CSMD1: variants seen among roughly 807,000 people sequenced by gnomAD.
The protein encoded by CSMD1 is CUB and Sushi multiple domains 1, also known as CUB and sushi domain-containing protein 1.
Under a neutral mutation model 417.5 loss-of-function variants are expected in CSMD1, and 213 were observed. The ratio of observed to expected loss-of-function variants is 0.51; its 90% confidence interval spans 0.46 to 0.57. The LOEUF (loss-of-function observed/expected upper bound fraction) is 0.57. Among genes scored for constraint, CSMD1 ranks in the 20% least tolerant of loss-of-function variants. CSMD1 has a pLI of 0.00. For missense variants in CSMD1, 6,923 were observed against 4,529.7 expected, an observed-to-expected ratio of 1.53 and a Z score of -15.17; for synonymous variants, 2,862 against 1,736.8, an observed-to-expected ratio of 1.65 and a Z score of -16.11.
intron 3 of CSMD1, among the ~76,000 whole-genome samples, chr8:4,181,794 CTAAT>C (rs1292132986): frequency 1.1e-4 from 17 of 152,256 alleles, no homozygotes; most frequent in African/African-American, 3.1e-4. Flanking sequence ...ATTTAGGTGA[CTAAT>C]TGACTATGCA....
intron 1 of CSMD1, among the ~76,000 whole-genome samples, chr8:4,917,154 A>G (rs1021669304): frequency 6.6e-6 from 1 of 152,204 alleles, no homozygotes; most frequent in Non-Finnish European, 1.5e-5. Context: ...GGCATGTCCT[A>G]CTTGGCTGGA....
chr8:4,203,631 G>T lies in CSMD1; in HGVS notation c.416-171532C>A, dbSNP rs181736606. 1.1e-4 allele frequency among the ~76,000 whole-genome samples: 17 copies of T among 152,114 alleles called. No homozygotes were observed. In the East Asian group the frequency reaches 3.3e-3, roughly 29 times the overall value. ...GGCACTCAAAATATGTATGGCTGGG[G>T]GTGGACACTACACACATTGGAAGTT... On this transcript the variant is annotated intron_variant, in intron 3 of 69. Transcript: ENST00000635120.
At chr8:3,801,026 A>G (rs963153680) in intron 5 of CSMD1, among the ~76,000 whole-genome samples, 7 of 152,202 alleles carry the variant, frequency 4.6e-5, no homozygotes, top group African/African-American at 1.7e-4. Context: ...TGAAAAAAGC[A>G]AAAGAGTAAA....
In CSMD1 at chr8:3,976,668, C is replaced by T. The variant is rs994975278; in HGVS notation, c.818+21235G>A. On this transcript the variant is annotated intron_variant, in intron 5 of 69. Transcript: ENST00000635120. ...ATCAATGTGACTGACAGCTTTCTTG[C>T]GCATTCCCTATTCTAAGATATTTTA... Among the ~76,000 whole-genome samples the T allele has an allele frequency of 4.6e-5, 7 of 152,282 alleles. 1 individual carries two copies. The highest frequency in any genetic ancestry group is 4.1e-4 in the South Asian group (2 of 4,826).
chr8:4,569,507 C>A (rs1798780771), intron 2 of CSMD1, among the ~76,000 whole-genome samples: 1 of 152,156 alleles, frequency 6.6e-6, no homozygotes, highest in Non-Finnish European at 1.5e-5. Context: ...GTCTCTATAT[C>A]TGTTTTGGTA....
intron 3 of CSMD1, among the ~76,000 whole-genome samples, chr8:4,160,002 G>A (rs370574620): frequency 5.3e-5 from 8 of 151,888 alleles, no homozygotes; most frequent in Non-Finnish European, 8.8e-5. Context: ...TAATGCTCTG[G>A]TGATGGGTGC....
chr8:3,388,823 C>T (rs1811166440), intron 17 of CSMD1, among the ~76,000 whole-genome samples: 1 of 151,990 alleles, frequency 6.6e-6, no homozygotes, highest in Non-Finnish European at 1.5e-5. Context: ...ACGTGGATAT[C>T]ATTTGGCTAG....
intron 5 of CSMD1, among the ~76,000 whole-genome samples, chr8:3,836,437 C>T (rs568645913): frequency 6.6e-6 from 1 of 152,154 alleles, no homozygotes; most frequent in South Asian, 2.1e-4. Context: ...CAGAAATCTC[C>T]AATTTCTGCA....
At chr8:3,988,417 C>T (rs919366254) in intron 5 of CSMD1, among the ~76,000 whole-genome samples, 1 of 152,212 alleles carries the variant, frequency 6.6e-6, no homozygotes, top group African/African-American at 2.4e-5. Flanking sequence ...GGTTTTAGGT[C>T]TGTGTTTGTC....
At chr8:4,058,297 C>T (rs1414304728) in intron 3 of CSMD1, among the ~76,000 whole-genome samples, 6 of 152,024 alleles carry the variant, frequency 3.9e-5, no homozygotes, top group Admixed American at 2.6e-4. Context: ...TTTGAAGCAA[C>T]TGTGAATGGG....
chr8:3,579,138 A>T (rs970653139), intron 9 of CSMD1, among the ~76,000 whole-genome samples: 1 of 152,190 alleles, frequency 6.6e-6, no homozygotes, highest in Non-Finnish European at 1.5e-5. Flanking sequence ...TTTCACTTAC[A>T]TCTTTTCTGT....
At chr8:3,872,933 C>G (rs570770760) in intron 5 of CSMD1, among the ~76,000 whole-genome samples, 1 of 151,336 alleles carries the variant, frequency 6.6e-6, no homozygotes, top group Non-Finnish European at 1.5e-5. Context: ...ATACATGTGG[C>G]CAACAATCAT....
At chr8:3,533,780 T>C (rs1798076095) in intron 10 of CSMD1, among the ~76,000 whole-genome samples, 2 of 152,210 alleles carry the variant, frequency 1.3e-5, no homozygotes, top group African/African-American at 4.8e-5. Context: ...CTTACTCTTG[T>C]AACTATCACA....
intron 3 of CSMD1, among the ~76,000 whole-genome samples, chr8:4,089,811 G>C (rs541346555): frequency 6.6e-6 from 1 of 152,074 alleles, no homozygotes; most frequent in African/African-American, 2.4e-5. Flanking sequence ...AGTGTGTTTG[G>C]TCTTGGAGGG....
chr8:4,234,573 C>T (rs891671126), intron 3 of CSMD1, among the ~76,000 whole-genome samples: 1 of 152,130 alleles, frequency 6.6e-6, no homozygotes, highest in Non-Finnish European at 1.5e-5. Flanking sequence ...TACAATTCTG[C>T]GCTGCTTTTT....
At chr8:4,919,535 C>T (rs956376458) in intron 1 of CSMD1, among the ~76,000 whole-genome samples, 1 of 152,124 alleles carries the variant, frequency 6.6e-6, no homozygotes, top group Non-Finnish European at 1.5e-5. Context: ...GCATTAGTTC[C>T]AGATCTTTCA....
In CSMD1 at chr8:3,436,148, T is replaced by G. The variant is rs1343534659; in HGVS notation, c.1562-26543A>C. 3.3e-5 allele frequency among the ~76,000 whole-genome samples: 5 copies of G among 152,088 alleles called. No homozygotes were observed. In the East Asian group the frequency reaches 9.7e-4, roughly 29 times the overall value. ...ACCATTCCCCTACATTTTTCTTTATTGAATTTATTACCACCTGGGAGAACA... is the reference window on the plus strand; with the variant it reads ...ACCATTCCCCTACATTTTTCTTTATGGAATTTATTACCACCTGGGAGAACA... On this transcript the variant is annotated intron_variant, in intron 12 of 69. Transcript: ENST00000635120.
At chr8:3,150,477 C>G (rs1819127797) in intron 40 of CSMD1, among the ~76,000 whole-genome samples, 1 of 152,220 alleles carries the variant, frequency 6.6e-6, no homozygotes, top group African/African-American at 2.4e-5. Flanking sequence ...TGACTGCTCA[C>G]TCCTACTGCT....
At chr8:3,753,210 T>C (rs1797451630) in intron 6 of CSMD1, among the ~76,000 whole-genome samples, 1 of 152,190 alleles carries the variant, frequency 6.6e-6, no homozygotes, top group South Asian at 2.1e-4. Flanking sequence ...GGAAGGTCCA[T>C]TATTTTCAAA....
Sources: gnomAD v4.1 joint callset for allele counts (sites outside exome capture counted in the v4.1 genomes callset) on GRCh38, gnomAD v4.1.1 for gene constraint, MANE v1.5 for transcripts, NCBI Gene and HGNC (gene_info 2026-07-23, HGNC 2026-07-21) for gene names.